ZNF71: variants seen among roughly 807,000 people sequenced by gnomAD.
ZNF71 encodes endothelial zinc finger protein induced by tumor necrosis factor alpha.
In ZNF71, 3 loss-of-function variants were observed where a neutral mutation model predicts 6.7. That is an observed-to-expected ratio of 0.45 (90% CI 0.20 to 1.16). The LOEUF (loss-of-function observed/expected upper bound fraction) is 1.16, where lower values mean the gene tolerates loss of function less well. Among genes scored for constraint, ZNF71 ranks in the 50% most tolerant of loss-of-function variants. The probability of loss-of-function intolerance (pLI) is 0.25; values close to 1 mark genes in which losing one functional copy is unlikely to be tolerated. For missense variants in ZNF71, 688 were observed against 728.6 expected (o/e 0.94, Z 0.64); for synonymous variants, 343 against 311.1 (o/e 1.10, Z -1.08).
chr19:56,597,772 CTA>C (rs1451070038), intron 1 of ZNF71, among the ~76,000 whole-genome samples: 1 of 151,680 alleles, frequency 6.6e-6, no homozygotes. Context: ...TCTTTTTTTC[CTA>C]TATGTAACTT....
intron 2 of ZNF71, among the ~76,000 whole-genome samples, chr19:56,601,926 T>G (rs2044673958): frequency 1.3e-5 from 2 of 152,210 alleles, no homozygotes; most frequent in South Asian, 4.1e-4. Flanking sequence ...GCAAACACAC[T>G]AAATGCTTCT....
intron 1 of ZNF71, among the ~76,000 whole-genome samples, chr19:56,597,181 G>T (rs2044632291): frequency 1.3e-5 from 2 of 152,224 alleles, no homozygotes. Context: ...GGCCCCTAAA[G>T]GTTTCATGGG....
rs1322766561 is a variant in ZNF71, at chr19:56,598,220, C to T, written c.-53+2792C>T. 3.9e-5 allele frequency among the ~76,000 whole-genome samples: 6 copies of T among 152,052 alleles called. No individual in the cohort carries two copies. The highest frequency in any genetic ancestry group is 2.6e-4 in the Admixed American group (4 of 15,272). ...GTAGAGGACTTCTCCAAGGAGGTGACGTTGGAGCTGACCAGGAAGCAGGGG... is the reference window on the plus strand; with the variant it reads ...GTAGAGGACTTCTCCAAGGAGGTGATGTTGGAGCTGACCAGGAAGCAGGGG... On this transcript the variant is annotated intron_variant, in intron 1 of 3. Coordinates refer to ENST00000599599, the MANE Select transcript of ZNF71 (RefSeq NM_001370215.1). The surrounding 1 kb of genome is among the most constrained non-coding windows in gnomAD (Gnocchi z 4.2).
At position 56,603,741 on chromosome 19, in the gene ZNF71, T is replaced by A. The variant is rs1014904750; in HGVS notation, c.33+2150T>A. Among the ~76,000 whole-genome samples the A allele has an allele frequency of 6.6e-6, 1 of 152,078 alleles. No individual in the cohort carries two copies. The highest frequency in any genetic ancestry group is 1.5e-5 in the Non-Finnish European group (1 of 68,038). ...TACCTACATTACTTAGAAAGATTTG[T>A]TGATTGTTTTTATTTCAACAGGGTT... On this transcript the variant is annotated intron_variant, in intron 2 of 3. Coordinates refer to ENST00000599599, the MANE Select transcript of ZNF71 (RefSeq NM_001370215.1). The surrounding 1 kb of genome is among the most constrained non-coding windows in gnomAD (Gnocchi z 4.6).
rs1241281429 is a variant in ZNF71 at position 56,601,424 on chromosome 19, GGT to G, written c.-52-76_-52-75del. 1.1e-4 allele frequency: 33 copies of G among 314,222 alleles called. No homozygotes were observed. The Admixed American group carries it at 2.1e-3, about 20-fold the overall frequency. 19.5% of individuals were successfully genotyped at this position (314,222 alleles called of 1,614,324 possible). On this transcript the variant is annotated intron_variant, in intron 1 of 3. Coordinates refer to ENST00000599599, the MANE Select transcript of ZNF71 (RefSeq NM_001370215.1). ...GTCTGTCTCTGCTTGTCTCTCAGTG[GGT>G]GTGTGTCTGTCCTGTCTACATTTGT...
chr19:56,620,759 G>A (rs1329136385), intron 3 of ZNF71, among the ~76,000 whole-genome samples: 2 of 152,080 alleles, frequency 1.3e-5, no homozygotes, highest in South Asian at 4.1e-4. Context: ...GCCCAGGCTG[G>A]TCTCAAGCAA....
At chr19:56,614,223 A>C (rs2044773415) in intron 3 of ZNF71, among the ~76,000 whole-genome samples, 1 of 152,242 alleles carries the variant, frequency 6.6e-6, no homozygotes, top group South Asian at 2.1e-4. Flanking sequence ...TCATAGATTT[A>C]GAAATACACA....
At chr19:56,595,970 G>A (rs2148000237) in intron 1 of ZNF71, among the ~76,000 whole-genome samples, 1 of 149,398 alleles carries the variant, frequency 6.7e-6, no homozygotes, top group South Asian at 2.1e-4. Context: ...TGTCCGTGTG[G>A]GTCATGTGTG....
In ZNF71 at chr19:56,603,138, C is replaced by T. The variant is rs923121724; in HGVS notation, c.33+1547C>T. 1.3e-5 allele frequency among the ~76,000 whole-genome samples: 2 copies of T among 152,136 alleles called. No individual in the cohort carries two copies. The highest frequency in any genetic ancestry group is 1.9e-4 in the East Asian group (1 of 5,192). On this transcript the variant is annotated intron_variant, in intron 2 of 3. Coordinates refer to ENST00000599599, the MANE Select transcript of ZNF71 (RefSeq NM_001370215.1). The surrounding 1 kb of genome is among the most constrained non-coding windows in gnomAD (Gnocchi z 4.6). ...CTGATTTTGGGTACATTCATAGAGT[C>T]GCGTTAACCATCACCACAGTCCATT...
intron 1 of ZNF71, among the ~76,000 whole-genome samples, chr19:56,596,463 G>C (rs1348440322): frequency 6.6e-6 from 1 of 152,112 alleles, no homozygotes; most frequent in Non-Finnish European, 1.5e-5. Flanking sequence ...CCCATAGAAG[G>C]CTCTGGAGGC....
intron 3 of ZNF71, among the ~76,000 whole-genome samples, chr19:56,617,113 T>TTTTG (rs1222177228): frequency 5.4e-5 from 5 of 93,130 alleles, no homozygotes; most frequent in East Asian, 1.3e-3. Flanking sequence ...TTTTCTTTTG[T>TTTTG]TTTTTTTTGT....
At chr19:56,616,357 A>G (rs1428470789) in intron 3 of ZNF71, among the ~76,000 whole-genome samples, 1 of 152,174 alleles carries the variant, frequency 6.6e-6, no homozygotes, top group African/African-American at 2.4e-5. Context: ...GTGTGGGTCC[A>G]ATTCTGAATC....
rs117929417 is a variant in ZNF71 at position 56,616,443 on chromosome 19, C to G, written c.160+2505C>G. ...ATCCTTTCAGATCTTGCTTTTATGACTTGTGCCCAGTCTAGAATGACATTC... is the reference window on the plus strand; with the variant it reads ...ATCCTTTCAGATCTTGCTTTTATGAGTTGTGCCCAGTCTAGAATGACATTC... On this transcript the variant is annotated intron_variant, in intron 3 of 3. Transcript: ENST00000599599. 5.6e-3 allele frequency among the ~76,000 whole-genome samples: 847 copies of G among 152,298 alleles called. 2 individuals are homozygous for G. The highest frequency in any genetic ancestry group is 0.014 in the Middle Eastern group (4 of 294).
In ZNF71 at chr19:56,601,501, C is replaced by G. The variant is rs1340970949; in HGVS notation, c.-52-6C>G. On this transcript the variant is annotated splice_polypyrimidine_tract_variant and splice_region_variant and intron_variant, in intron 1 of 3. Transcript: ENST00000599599. Reference sequence around the variant, plus strand: ...CAGCATGCCTCCCTCTTTCTTCTCCCTACAGCACTGTTGGTCACCGCAGGC... The same window carrying G: ...CAGCATGCCTCCCTCTTTCTTCTCCGTACAGCACTGTTGGTCACCGCAGGC... 2 of 983,532 alleles carry G rather than the reference C, an allele frequency of 2.0e-6. No individual in the cohort carries two copies. The highest frequency in any genetic ancestry group is 2.4e-6 in the Non-Finnish European group (2 of 828,036). 60.9% of individuals were successfully genotyped at this position (983,532 alleles called of 1,614,324 possible).
rs1442734972 is a variant in ZNF71, at chr19:56,622,735, G to A, written c.1628G>A (p.Arg543His). 1 of 1,604,850 alleles carries A rather than the reference G, an allele frequency of 6.2e-7. No homozygotes were observed. Among genetic ancestry groups the A allele is most frequent in the Non-Finnish European group, 8.5e-7 (1 of 1,174,604 alleles). Residue 543 changes from arginine (R) to histidine (H), a missense_variant, in exon 4 of 4, where the codon CGC (arginine) becomes CAC (histidine). Arg to His is a conservative substitution (Grantham distance 29, BLOSUM62 0). Transcript: ENST00000599599. ...TTCAGCCGCAACACGAACCTGACGC[G>A]CCACCTGCGGATTCACACCTGAGCG... ...KTFSRNTNLT[R>H]HLRIHT
chr19:56,616,732 C>T (rs2044794591), intron 3 of ZNF71, among the ~76,000 whole-genome samples: 1 of 152,192 alleles, frequency 6.6e-6, no homozygotes, highest in African/African-American at 2.4e-5. Context: ...CCTGGGAACT[C>T]TATCTGCCTT....
intron 1 of ZNF71, among the ~76,000 whole-genome samples, chr19:56,597,691 C>T (rs2148001710): frequency 6.6e-6 from 1 of 151,966 alleles, no homozygotes; most frequent in South Asian, 2.1e-4. Context: ...CGATTTGATT[C>T]CTTTAGTAAT....
chr19:56,620,224 C>T (rs1013439248), intron 3 of ZNF71, among the ~76,000 whole-genome samples: 18 of 152,126 alleles, frequency 1.2e-4, no homozygotes, highest in African/African-American at 2.7e-4. Flanking sequence ...GATGAGCTAG[C>T]GGGAGCCGGA....
At position 56,618,322 on chromosome 19, in the gene ZNF71, C is replaced by A. The variant is rs1039562687; in HGVS notation, c.161-2946C>A. Among the ~76,000 whole-genome samples, 1 of 152,190 alleles carries A rather than the reference C, an allele frequency of 6.6e-6. No homozygotes were observed. The highest frequency in any genetic ancestry group is 1.5e-5 in the Non-Finnish European group (1 of 68,044). Reference sequence around the variant, plus strand: ...TGAGGATGGTCATAACTATCTACTACTGTATGTAACTCAAGTATGATTGTG... The same window carrying A: ...TGAGGATGGTCATAACTATCTACTAATGTATGTAACTCAAGTATGATTGTG... On this transcript the variant is annotated intron_variant, in intron 3 of 3. Coordinates refer to ENST00000599599, the MANE Select transcript of ZNF71 (RefSeq NM_001370215.1). The surrounding 1 kb of genome is among the most constrained non-coding windows in gnomAD (Gnocchi z 4.6).
Sources: gnomAD v4.1 joint callset for allele counts (sites outside exome capture counted in the v4.1 genomes callset) on GRCh38, gnomAD v4.1.1 for gene constraint, Gnocchi (gnomAD v3.1) non-coding constraint, MANE v1.5 for transcripts, NCBI Gene and HGNC (gene_info 2026-07-23, HGNC 2026-07-21) for gene names.